The following RAP1GAP2 variants were observed in gnomAD, a reference collection of about 807,000 sequenced individuals.
RAP1GAP2 encodes the protein rap1 GTPase-activating protein 2.
RAP1GAP2 carries 27 observed loss-of-function variants against 95.0 expected under a neutral mutation model. The ratio of observed to expected loss-of-function variants is 0.28; its 90% confidence interval spans 0.21 to 0.39. RAP1GAP2 has a LOEUF of 0.39. RAP1GAP2 is among the 10% of genes least tolerant of loss of function. RAP1GAP2 has a pLI of 1.00. For missense variants in RAP1GAP2, 771 were observed against 970.0 expected, an observed-to-expected ratio of 0.79 and a Z score of 2.72; for synonymous variants, 373 against 380.9, an observed-to-expected ratio of 0.98 and a Z score of 0.24.
At position 2,862,767 on chromosome 17, in the gene RAP1GAP2, G is replaced by A. The variant is rs61144346; in HGVS notation, c.81-42517G>A. On this transcript the variant is annotated intron_variant, in intron 2 of 24. Transcript: ENST00000254695. ...AATTCCAGCACTTTGGGAGGCCAAGGCGGGCGGATCACTCAAGGCTGGGAG... is the reference window on the plus strand; with the variant it reads ...AATTCCAGCACTTTGGGAGGCCAAGACGGGCGGATCACTCAAGGCTGGGAG... 0.012 allele frequency among the ~76,000 whole-genome samples: 1,799 copies of A among 152,210 alleles called. 92 individuals are homozygous for A. The East Asian group carries it at 0.14, about 12-fold the overall frequency.
At chr17:2,800,490 G>A (rs375752005) in intron 1 of RAP1GAP2, 25 bp from the exon 2 acceptor site, 49 of 1,609,428 alleles carry the variant, frequency 3.0e-5, no homozygotes, top group South Asian at 2.0e-4. Context: ...AGCACTGACC[G>A]GAGCCCTTGC....
intron 1 of RAP1GAP2, among the ~76,000 whole-genome samples, chr17:2,781,548 CTGTG>C (rs2068646424): frequency 6.6e-6 from 1 of 151,734 alleles, no homozygotes; most frequent in South Asian, 2.1e-4. Context: ...GAGCACGTCT[CTGTG>C]TGTGCACGTC....
In RAP1GAP2 at chr17:2,827,600, G is replaced by T. The variant is rs2070628337; in HGVS notation, c.80+27050G>T. Among the ~76,000 whole-genome samples, 1 of 151,798 alleles carries T rather than the reference G, an allele frequency of 6.6e-6. No homozygotes were observed. Among genetic ancestry groups the T allele is most frequent in the African/African-American group, 2.4e-5 (1 of 41,220 alleles). On this transcript the variant is annotated intron_variant, in intron 2 of 24. Transcript: ENST00000254695. This position sits in a 1 kb window ranked among gnomAD's most constrained non-coding sequence, Gnocchi z 4.1. ...AGGCGGGTGGATCACCTGAGGTCAG[G>T]GGTTCAAGACCAGCCTGGATAACAT...
chr17:2,924,316 TAC>T (rs2042885434), intron 3 of RAP1GAP2, among the ~76,000 whole-genome samples: 1 of 152,144 alleles, frequency 6.6e-6, no homozygotes, highest in Non-Finnish European at 1.5e-5. Flanking sequence ...GAGGCTCAGT[TAC>T]ACGTGGGAAT....
rs184924497 is a variant in RAP1GAP2 at position 2,867,120 on chromosome 17, C to G, written c.81-38164C>G. 2.0e-5 allele frequency among the ~76,000 whole-genome samples: 3 copies of G among 151,528 alleles called. No homozygotes were observed. The highest frequency in any genetic ancestry group is 1.5e-5 in the Non-Finnish European group (1 of 67,916). Reference sequence around the variant, plus strand: ...TTCACCATGTTGGCCAGGCTGGTCTCGAACTCCTGGTGTCGTGATTCCCCT... The same window carrying G: ...TTCACCATGTTGGCCAGGCTGGTCTGGAACTCCTGGTGTCGTGATTCCCCT... On this transcript the variant is annotated intron_variant, in intron 2 of 24. Transcript: ENST00000254695. The surrounding 1 kb of genome is among the most constrained non-coding windows in gnomAD (Gnocchi z 4.5).
chr17:2,936,825 G>A (rs557062365), intron 3 of RAP1GAP2, among the ~76,000 whole-genome samples: 20 of 152,264 alleles, frequency 1.3e-4, no homozygotes, highest in South Asian at 4.1e-4. Context: ...TCCTCTGTGC[G>A]CCCAGGCAGC....
intron 9 of RAP1GAP2, 140 bp from the exon 10 acceptor site, chr17:2,981,051 TAGTG>T (rs1488441282): frequency 1.6e-5 from 11 of 667,464 alleles, no homozygotes; most frequent in Non-Finnish European, 2.6e-5. Flanking sequence ...GGGCACGTGT[TAGTG>T]AGCAGCAGTC....
intron 2 of RAP1GAP2, among the ~76,000 whole-genome samples, chr17:2,861,003 C>T (rs2072362890): frequency 6.6e-6 from 1 of 152,140 alleles, no homozygotes; most frequent in Non-Finnish European, 1.5e-5. Flanking sequence ...GTCGTCCTTT[C>T]CTCCTGGTGA....
At chr17:2,937,096 G>A (rs1007417174) in intron 3 of RAP1GAP2, among the ~76,000 whole-genome samples, 1 of 152,186 alleles carries the variant, frequency 6.6e-6, no homozygotes, top group Non-Finnish European at 1.5e-5. Flanking sequence ...TTGGGACAGG[G>A]AGGAGGGTGC....
At position 2,817,813 on chromosome 17, in the gene RAP1GAP2, G is replaced by A. The variant is rs976288836; in HGVS notation, c.80+17263G>A. Among the ~76,000 whole-genome samples the A allele has an allele frequency of 1.7e-5, 2 of 120,554 alleles. 1 individual carries two copies. The highest frequency in any genetic ancestry group is 4.0e-5 in the Non-Finnish European group (2 of 50,250). 79.1% of individuals were successfully genotyped at this position (120,554 alleles called of 152,430 possible). A position where few individuals can be genotyped will look rare whatever the true frequency, so the allele number is the denominator to read the frequency against. On this transcript the variant is annotated intron_variant, in intron 2 of 24. Transcript: ENST00000254695. Reference sequence around the variant, plus strand: ...TAGGATTACAGGCATGAGCCACTGCGTCTGGCCTCTATGTTTAATTGTTTT... The same window carrying A: ...TAGGATTACAGGCATGAGCCACTGCATCTGGCCTCTATGTTTAATTGTTTT...
rs542082817 is a variant in RAP1GAP2 at position 2,965,830 on chromosome 17, G to A, written c.596+187G>A. 25 of 587,372 alleles carry A rather than the reference G, an allele frequency of 4.3e-5. No homozygotes were observed. Among genetic ancestry groups the A allele is most frequent in the Admixed American group, 2.7e-4 (9 of 33,016 alleles). The allele number at this position is 587,372 out of a possible 1,614,324, so 36.4% of individuals were successfully genotyped here. A position where few individuals can be genotyped will look rare whatever the true frequency, so the allele number is the denominator to read the frequency against. On this transcript the variant is annotated intron_variant, in intron 8 of 24. Transcript: ENST00000254695. This position sits in a 1 kb window ranked among gnomAD's most constrained non-coding sequence, Gnocchi z 4.7. ...AGTTGCCTAGCAGGGAGACCCACGCGCTCCACCAGTTAGCTGACAGTCAGA... is the reference window on the plus strand; with the variant it reads ...AGTTGCCTAGCAGGGAGACCCACGCACTCCACCAGTTAGCTGACAGTCAGA...
chr17:2,875,694 T>C (rs9904506), intron 2 of RAP1GAP2, among the ~76,000 whole-genome samples: 98,056 of 151,804 alleles, frequency 0.65, 32,005 homozygotes, highest in African/African-American at 0.7. Flanking sequence ...GAATGTCTTG[T>C]CCTCCTGGTT....
chr17:2,861,993 G>A (rs2072415162), intron 2 of RAP1GAP2, among the ~76,000 whole-genome samples: 1 of 152,132 alleles, frequency 6.6e-6, no homozygotes, highest in African/African-American at 2.4e-5. Flanking sequence ...CCTTTCTTTT[G>A]TCTGAGATTG....
chr17:3,028,141 A>G (rs4790116), intron 22 of RAP1GAP2, among the ~76,000 whole-genome samples: 58,824 of 151,582 alleles, frequency 0.39, 11,980 homozygotes, highest in East Asian at 0.54. Flanking sequence ...CAGAAAATGA[A>G]GGGAGGGGAA....
chr17:2,858,444 A>C (rs1420163138), intron 2 of RAP1GAP2, among the ~76,000 whole-genome samples: 1 of 152,210 alleles, frequency 6.6e-6, no homozygotes, highest in Non-Finnish European at 1.5e-5. Flanking sequence ...GCATACACAA[A>C]AGTAGAGAGA....
At chr17:2,831,137 G>T (rs573595606) in intron 2 of RAP1GAP2, among the ~76,000 whole-genome samples, 30 of 97,436 alleles carry the variant, frequency 3.1e-4, no homozygotes, top group Non-Finnish European at 5.1e-4. Context: ...GAGTGCAGTG[G>T]TGTGATCTCG....
chr17:2,901,440 C>T (rs955486382), intron 2 of RAP1GAP2, among the ~76,000 whole-genome samples: 1 of 152,112 alleles, frequency 6.6e-6, no homozygotes, highest in African/African-American at 2.4e-5. Flanking sequence ...CCTTGTGGGT[C>T]CCTGGGTGGG....
intron 10 of RAP1GAP2, 28 bp from the exon 11 acceptor site, chr17:2,984,955 A>T: frequency 6.5e-7 from 1 of 1,546,654 alleles, no homozygotes; most frequent in African/African-American, 1.4e-5. Flanking sequence ...ACAAATGTTG[A>T]TTTTTTTTTT....
chr17:3,026,361 A>G lies in RAP1GAP2; in HGVS notation c.1877A>G (p.Lys626Arg). ...ICPNKEKPFM[K>R]LKENGRAISR... ...CCTATTCCCTGCAGGCCCTTCATGAAGTTGAAGGAAAACGGCCGTGCCATC... is the reference window on the plus strand; with the variant it reads ...CCTATTCCCTGCAGGCCCTTCATGAGGTTGAAGGAAAACGGCCGTGCCATC... Residue 626 changes from lysine to arginine, a missense_variant, in exon 21 of 25, where the codon AAG (lysine) becomes AGG (arginine). Coordinates refer to ENST00000254695, the MANE Select transcript of RAP1GAP2 (RefSeq NM_015085.5). 1 of 1,549,912 alleles carries G rather than the reference A, an allele frequency of 6.5e-7. No individual in the cohort carries two copies. Among genetic ancestry groups the G allele is most frequent in the Non-Finnish European group, 8.7e-7 (1 of 1,146,010 alleles).
Sources: allele counts gnomAD v4.1 joint callset (sites outside exome capture counted in the v4.1 genomes callset), GRCh38; gene constraint gnomAD v4.1.1; non-coding constraint Gnocchi (gnomAD v3.1); transcripts MANE v1.5; gene names NCBI Gene and HGNC (gene_info 2026-07-23, HGNC 2026-07-21).